The following LRRC1 variants were observed in gnomAD, a reference collection of about 807,000 sequenced individuals.
The protein encoded by LRRC1 is leucine-rich repeat-containing protein 1.
Under a neutral mutation model 69.9 loss-of-function variants are expected in LRRC1, and 28 were observed. The observed-to-expected ratio is 0.40, with a 90% CI of 0.30 to 0.55. The LOEUF (loss-of-function observed/expected upper bound fraction) is 0.55. Ranked by LOEUF, LRRC1 falls within the 20% of genes least tolerant of loss-of-function variation. The pLI is 0.47. For synonymous variants in LRRC1, 236 were observed against 240.2 expected, an observed-to-expected ratio of 0.98 and a Z score of 0.16; for missense variants, 498 against 609.0, an observed-to-expected ratio of 0.82 and a Z score of 1.92.
At chr6:53,849,133 A>G (rs1442284624) in intron 2 of LRRC1, among the ~76,000 whole-genome samples, 1 of 146,682 alleles carries the variant, frequency 6.8e-6, no homozygotes. Context: ...ACCTTTGAAT[A>G]TGTTTTTTAA....
intron 5 of LRRC1, 55 bp downstream of exon 5, chr6:53,896,609 TA>T: frequency 1.3e-6 from 2 of 1,487,330 alleles, no homozygotes; most frequent in South Asian, 1.1e-5. Flanking sequence ...TTTAAGTATT[TA>T]AAAAAACAGG....
At chr6:53,807,691 G>A (rs1015371857) in intron 1 of LRRC1, among the ~76,000 whole-genome samples, 4 of 152,154 alleles carry the variant, frequency 2.6e-5, no homozygotes, top group African/African-American at 9.7e-5. Flanking sequence ...GTTGCAGTGA[G>A]CCAAGATCAC....
chr6:53,887,629 G>A (rs914535821), intron 4 of LRRC1, among the ~76,000 whole-genome samples: 4 of 151,982 alleles, frequency 2.6e-5, no homozygotes, highest in Admixed American at 2.0e-4. Flanking sequence ...GGTAGAGCTG[G>A]CATTTGAACT....
intron 11 of LRRC1, 68 bp from the exon 12 acceptor site, chr6:53,919,430 A>T: frequency 5.7e-6 from 7 of 1,235,974 alleles, no homozygotes; most frequent in Non-Finnish European, 7.6e-6. Flanking sequence ...TTTTGTTGAT[A>T]GGGATTGATT....
At chr6:53,897,452 A>G (rs1767913429) in intron 7 of LRRC1, 93 bp downstream of exon 7, 2 of 926,424 alleles carry the variant, frequency 2.2e-6, no homozygotes, top group Admixed American at 2.7e-5. Flanking sequence ...TTGCTATAAA[A>G]GGATCTTGAA....
chr6:53,844,041 C>T (rs543159177), intron 2 of LRRC1, among the ~76,000 whole-genome samples: 1 of 152,252 alleles, frequency 6.6e-6, no homozygotes, highest in African/African-American at 2.4e-5. Context: ...AAGCATGGCC[C>T]TGCCCCTCAG....
intron 8 of LRRC1, among the ~76,000 whole-genome samples, chr6:53,901,759 G>A (rs1053358832): frequency 6.6e-6 from 1 of 152,190 alleles, no homozygotes; most frequent in Non-Finnish European, 1.5e-5. Flanking sequence ...AGGGCAGGTG[G>A]AAACCCTCCA....
At chr6:53,879,655 C>A (rs1330635612) in intron 3 of LRRC1, among the ~76,000 whole-genome samples, 1 of 152,106 alleles carries the variant, frequency 6.6e-6, no homozygotes, top group Admixed American at 6.5e-5. Context: ...ACCCAAAAAA[C>A]CCATATCAAC....
At chr6:53,884,125 T>G in intron 4 of LRRC1, 9 of 632,950 alleles carry the variant, frequency 1.4e-5, no homozygotes, top group East Asian at 8.3e-5. Flanking sequence ...ATGGTATCAG[T>G]TGCAGAGAAA....
At chr6:53,801,050 T>A (rs1470210442) in intron 1 of LRRC1, among the ~76,000 whole-genome samples, 5 of 152,192 alleles carry the variant, frequency 3.3e-5, no homozygotes, top group Non-Finnish European at 7.4e-5. Flanking sequence ...TTTAATTGTC[T>A]CTAGCTAGTG....
intron 1 of LRRC1, among the ~76,000 whole-genome samples, chr6:53,819,824 A>G (rs1765063117): frequency 6.6e-6 from 1 of 152,216 alleles, no homozygotes; most frequent in South Asian, 2.1e-4. Context: ...TAGCCAGGGC[A>G]GATAACTGTC....
chr6:53,861,893 A>C (rs1384936243), intron 2 of LRRC1, among the ~76,000 whole-genome samples: 1 of 152,200 alleles, frequency 6.6e-6, no homozygotes, highest in African/African-American at 2.4e-5. Flanking sequence ...CATAGATCCT[A>C]TTTGGAAAGA....
chr6:53,864,905 A>C (rs1188365226), intron 2 of LRRC1, among the ~76,000 whole-genome samples: 1 of 152,070 alleles, frequency 6.6e-6, no homozygotes, highest in Non-Finnish European at 1.5e-5. Context: ...TGAGCAATCG[A>C]TAGTTGGAAA....
chr6:53,842,525 G>A (rs541063235), intron 2 of LRRC1, among the ~76,000 whole-genome samples: 1 of 152,308 alleles, frequency 6.6e-6, no homozygotes, highest in Admixed American at 6.5e-5. Flanking sequence ...CATAACACAA[G>A]TTTTAGGAGA....
intron 1 of LRRC1, among the ~76,000 whole-genome samples, chr6:53,833,057 C>T (rs1185264427): frequency 6.6e-6 from 1 of 151,998 alleles, no homozygotes; most frequent in Non-Finnish European, 1.5e-5. Context: ...TCTTTTTTCT[C>T]TCCTCATAGT....
intron 2 of LRRC1, among the ~76,000 whole-genome samples, chr6:53,850,776 G>A (rs1021395729): frequency 3.9e-5 from 6 of 152,230 alleles, no homozygotes; most frequent in African/African-American, 1.4e-4. Context: ...CCTTGGGGAA[G>A]TAGGTGGTAA....
At chr6:53,834,749 G>A (rs1253318092) in intron 1 of LRRC1, among the ~76,000 whole-genome samples, 14 of 152,118 alleles carry the variant, frequency 9.2e-5, no homozygotes, top group Non-Finnish European at 1.9e-4. Flanking sequence ...CGAGGCAGGC[G>A]GATCACGAGG....
chr6:53,903,087 C>T (rs1041633459), intron 9 of LRRC1, among the ~76,000 whole-genome samples: 3 of 152,118 alleles, frequency 2.0e-5, no homozygotes, highest in African/African-American at 7.2e-5. Context: ...GAATATTCAT[C>T]AGGATTCCTC....
intron 4 of LRRC1, among the ~76,000 whole-genome samples, chr6:53,889,301 G>T: frequency 6.6e-6 from 1 of 152,038 alleles, no homozygotes; most frequent in East Asian, 1.9e-4. Flanking sequence ...GTTTGGGGAG[G>T]TCCTCCTTAA....
Sources: gnomAD v4.1 joint callset for allele counts (sites outside exome capture counted in the v4.1 genomes callset) on GRCh38, gnomAD v4.1.1 for gene constraint, MANE v1.5 for transcripts, NCBI Gene and HGNC (gene_info 2026-07-23, HGNC 2026-07-21) for gene names.